TECRL: variants seen among roughly 807,000 people sequenced by gnomAD.
The protein encoded by TECRL is trans-2,3-enoyl-CoA reductase-like.
Under a neutral mutation model 52.8 loss-of-function variants are expected in TECRL, and 63 were observed. That is an observed-to-expected ratio of 1.19 (90% CI 0.97 to 1.47). The LOEUF (loss-of-function observed/expected upper bound fraction) is 1.47. TECRL is among the 40% of genes most tolerant of loss of function. The pLI is 0.00. For missense variants in TECRL, 482 were observed against 429.6 expected (o/e 1.12, Z -1.08); for synonymous variants, 164 against 141.9 (o/e 1.16, Z -1.10).
intron 7 of TECRL, 98 bp downstream of exon 7, chr4:64,305,068 G>A (rs923348737): frequency 1.1e-5 from 9 of 836,046 alleles, no homozygotes; most frequent in East Asian, 1.0e-4. Context: ...AAAATGAATT[G>A]TTTCATTTTT....
intron 4 of TECRL, among the ~76,000 whole-genome samples, chr4:64,320,976 AT>A (rs915429512): frequency 2.7e-4 from 41 of 151,862 alleles, no homozygotes; most frequent in South Asian, 1.0e-3. Context: ...TAAATCAACT[AT>A]TTTTTTTCAT....
At chr4:64,337,712 A>C (rs537803784) in intron 2 of TECRL, among the ~76,000 whole-genome samples, 2 of 152,286 alleles carry the variant, frequency 1.3e-5, no homozygotes, top group Admixed American at 6.5e-5. Context: ...TAGGAATCCA[A>C]CTTACAAGGG....
At chr4:64,310,068 A>C (rs2109999059) in intron 5 of TECRL, 137 bp from the exon 6 acceptor site, 1 of 542,380 alleles carries the variant, frequency 1.8e-6, no homozygotes, top group East Asian at 3.3e-5. Context: ...AAACACAAAT[A>C]CTTGCTTTAA....
chr4:64,311,144 T>C (rs1282574433), intron 5 of TECRL, among the ~76,000 whole-genome samples: 1 of 152,260 alleles, frequency 6.6e-6, no homozygotes, highest in East Asian at 1.9e-4. Context: ...GGAAATGATT[T>C]CTGGTACGAG....
intron 1 of TECRL, among the ~76,000 whole-genome samples, chr4:64,398,482 CTCTT>C (rs1194344331): frequency 6.6e-6 from 1 of 152,116 alleles, no homozygotes; most frequent in Admixed American, 6.6e-5. Flanking sequence ...TTCTCTCTGT[CTCTT>C]TGTTCTTATT....
chr4:64,302,462 A>G (rs1724078143), intron 7 of TECRL, among the ~76,000 whole-genome samples: 1 of 151,416 alleles, frequency 6.6e-6, no homozygotes, highest in Non-Finnish European at 1.5e-5. Context: ...TAATCATGGC[A>G]GTAATGCAAG....
rs368901384 is a variant in TECRL at position 64,394,377 on chromosome 4, T to C, written c.234+14741A>G. Among the ~76,000 whole-genome samples the C allele has an allele frequency of 2.0e-3, 312 of 152,250 alleles. 2 individuals carry two copies. Among genetic ancestry groups the C allele is most frequent in the African/African-American group, 7.2e-3 (301 of 41,550 alleles). On this transcript the variant is annotated intron_variant, in intron 1 of 11. Coordinates refer to ENST00000381210, the MANE Select transcript of TECRL (RefSeq NM_001010874.5). Reference sequence around the variant, plus strand: ...TAAACATTAATTTTATTAGTGTCTTTTGAAAGTTGAAAGCTTAATCTTCGA... The same window carrying C: ...TAAACATTAATTTTATTAGTGTCTTCTGAAAGTTGAAAGCTTAATCTTCGA...
At position 64,409,323 on chromosome 4, in the gene TECRL, G is replaced by A. The variant is rs887668463; in HGVS notation, c.29C>T (p.Ser10Leu). The A allele has an allele frequency of 6.2e-6, 10 of 1,613,502 alleles. No homozygotes were observed. In the Admixed American group the frequency reaches 8.3e-5, roughly 13 times the overall value. ...GGAAAGTAATGCTCTCTTGCGTTCCGAAGCGAGGGACTTGTGCCTTTTGAA... is the reference window on the plus strand; with the variant it reads ...GGAAAGTAATGCTCTCTTGCGTTCCAAAGCGAGGGACTTGTGCCTTTTGAA... Reference protein sequence around the residue: MFKRHKSLASERKRALLSQR... With the variant: MFKRHKSLALERKRALLSQR... Residue 10 changes from serine to leucine, a missense_variant, in exon 1 of 12, where the codon TCG becomes TTG. By Grantham distance (145) the Ser-to-Leu change is moderately radical. Transcript: ENST00000381210.
At chr4:64,314,112 T>A (rs1717296808) in intron 5 of TECRL, among the ~76,000 whole-genome samples, 1 of 151,286 alleles carries the variant, frequency 6.6e-6, no homozygotes, top group Non-Finnish European at 1.5e-5. Context: ...ATCAGGCCAC[T>A]GCACTCCAGC....
chr4:64,307,036 G>A (rs1273087121), intron 6 of TECRL, among the ~76,000 whole-genome samples: 1 of 152,140 alleles, frequency 6.6e-6, no homozygotes, highest in Non-Finnish European at 1.5e-5. Flanking sequence ...CACAGAATTA[G>A]CCAAGCCAAC....
chr4:64,388,985 CT>C (rs1723366735), intron 1 of TECRL, among the ~76,000 whole-genome samples: 1 of 151,794 alleles, frequency 6.6e-6, no homozygotes, highest in South Asian at 2.1e-4. Flanking sequence ...TCCAGGGGTT[CT>C]TTCTGTTTTC....
At chr4:64,384,562 C>T (rs562090768) in intron 1 of TECRL, among the ~76,000 whole-genome samples, 1 of 152,124 alleles carries the variant, frequency 6.6e-6, no homozygotes, top group Non-Finnish European at 1.5e-5. Context: ...AGGTCCCATT[C>T]TCAGGCCCCC....
intron 8 of TECRL, among the ~76,000 whole-genome samples, chr4:64,297,795 A>G (rs1328745928): frequency 6.6e-6 from 1 of 151,074 alleles, no homozygotes; most frequent in Non-Finnish European, 1.5e-5. Flanking sequence ...AACTCAATCA[A>G]CTGGTTATTG....
intron 6 of TECRL, among the ~76,000 whole-genome samples, chr4:64,307,657 A>T (rs999472559): frequency 1.3e-5 from 2 of 152,080 alleles, no homozygotes; most frequent in African/African-American, 4.8e-5. Context: ...TTACCCTCAG[A>T]CCCTAATGTT....
intron 1 of TECRL, among the ~76,000 whole-genome samples, chr4:64,394,545 T>C (rs1031316705): frequency 1.6e-4 from 25 of 152,138 alleles, no homozygotes; most frequent in Non-Finnish European, 2.8e-4. Context: ...AAGATATATA[T>C]TTTACATACA....
intron 2 of TECRL, among the ~76,000 whole-genome samples, chr4:64,369,326 G>T (rs1721828660): frequency 6.6e-6 from 1 of 152,112 alleles, no homozygotes; most frequent in South Asian, 2.1e-4. Context: ...ATTAGCTGTT[G>T]TTTTTATTAA....
chr4:64,392,970 A>G (rs547413775), intron 1 of TECRL, among the ~76,000 whole-genome samples: 2 of 151,910 alleles, frequency 1.3e-5, no homozygotes, highest in Non-Finnish European at 2.9e-5. Context: ...CAAGTTATAT[A>G]CTAGTCACTC....
chr4:64,289,908 A>T, intron 8 of TECRL, 141 bp from the exon 9 acceptor site: 1 of 507,854 alleles, frequency 2.0e-6, no homozygotes, highest in Non-Finnish European at 3.2e-6. Context: ...AATCATAAAG[A>T]GAAATTTTTT....
chr4:64,323,832 A>G (rs1718069050), intron 3 of TECRL, among the ~76,000 whole-genome samples: 1 of 152,200 alleles, frequency 6.6e-6, no homozygotes. Context: ...ACTGACATGA[A>G]GAAGACTACA....
Sources: allele counts gnomAD v4.1 joint callset (sites outside exome capture counted in the v4.1 genomes callset), GRCh38; gene constraint gnomAD v4.1.1; transcripts MANE v1.5; gene names NCBI Gene and HGNC (gene_info 2026-07-23, HGNC 2026-07-21).